The following CC2D2B variants were observed in gnomAD, a reference collection of about 807,000 sequenced individuals.
CC2D2B encodes coiled-coil and C2 domain containing 2B.
A neutral mutation model predicts 161.2 loss-of-function variants in CC2D2B; 128 were observed. The ratio of observed to expected loss-of-function variants is 0.79; its 90% CI spans 0.69 to 0.92. CC2D2B has a LOEUF of 0.92. Ranked by LOEUF, CC2D2B falls within the 40% of genes least tolerant of loss-of-function variation. The pLI, the probability that CC2D2B is intolerant of heterozygous loss-of-function variation, is 0.00. For missense variants in CC2D2B, 1,173 were observed against 1,375.1 expected (o/e 0.85, Z 2.32); for synonymous variants, 391 against 449.8 (o/e 0.87, Z 1.65).
intron 1 of CC2D2B, among the ~76,000 whole-genome samples, chr10:95,908,492 G>C (rs1397528303): frequency 6.6e-6 from 1 of 152,182 alleles, no homozygotes; most frequent in Non-Finnish European, 1.5e-5. Context: ...CGTGGAGTTT[G>C]AATCAGCCTT....
chr10:95,988,666 G>A (rs1474170037), intron 20 of CC2D2B, among the ~76,000 whole-genome samples: 1 of 152,146 alleles, frequency 6.6e-6, no homozygotes, highest in Admixed American at 6.5e-5. Flanking sequence ...ATATTTACTG[G>A]TGCCTCATGA....
At chr10:96,004,639 A>T (rs1000754348) in intron 25 of CC2D2B, among the ~76,000 whole-genome samples, 6 of 152,220 alleles carry the variant, frequency 3.9e-5, no homozygotes, top group Non-Finnish European at 8.8e-5. Flanking sequence ...TCCTAAGGCT[A>T]AAATTCAGTT....
At chr10:95,994,137 G>C (rs190429412) in intron 22 of CC2D2B, among the ~76,000 whole-genome samples, 1 of 150,510 alleles carries the variant, frequency 6.6e-6, no homozygotes, top group African/African-American at 2.4e-5. Flanking sequence ...AAGATGCAGA[G>C]ACCGGTGGTG....
At chr10:95,994,629 T>C (rs1170929586) in intron 22 of CC2D2B, among the ~76,000 whole-genome samples, 1 of 152,186 alleles carries the variant, frequency 6.6e-6, no homozygotes, top group Non-Finnish European at 1.5e-5. Context: ...GACACTGGCG[T>C]TACCGCTTGA....
intron 34 of CC2D2B, among the ~76,000 whole-genome samples, chr10:96,031,086 AT>A (rs1590961504): frequency 1.3e-5 from 2 of 152,114 alleles, no homozygotes; most frequent in South Asian, 2.1e-4. Context: ...AATGCTATCT[AT>A]TTTTTTTCTT....
At chr10:95,973,121 G>C (rs1198772750) in intron 16 of CC2D2B, among the ~76,000 whole-genome samples, 2 of 151,420 alleles carry the variant, frequency 1.3e-5, no homozygotes, top group Admixed American at 1.3e-4. Context: ...AAGTAAGGAA[G>C]TATGAACAAG....
chr10:96,032,246 T>G lies in CC2D2B; in HGVS notation c.*238T>G, dbSNP rs2080092387. The G allele has an allele frequency of 2.4e-6, 1 of 421,140 alleles. No homozygotes were observed. The highest frequency in any genetic ancestry group is 2.0e-5 in the African/African-American group (1 of 50,966). The allele number at this position is 421,140 out of a possible 1,614,324, so 26.1% of individuals were successfully genotyped here. On this transcript the variant is annotated 3_prime_UTR_variant, in exon 35 of 35. Transcript: ENST00000646931. ...CTCCAGGAAGGACCTTTGGATAGTC[T>G]GGCTTTCTTGGGTCACTGTCTGCAG...
chr10:96,005,106 T>C (rs936409092), intron 25 of CC2D2B, among the ~76,000 whole-genome samples: 12 of 152,222 alleles, frequency 7.9e-5, no homozygotes, highest in Non-Finnish European at 1.3e-4. Flanking sequence ...AATTTGGTGA[T>C]AGCTTTTCTC....
intron 10 of CC2D2B, 54 bp from the exon 11 acceptor site, chr10:95,955,340 C>G (rs2076536280): frequency 2.5e-6 from 1 of 396,706 alleles, no homozygotes. Context: ...TGAACTGGAT[C>G]AATGGTAACA....
At chr10:95,941,088 G>C (rs971100755) in intron 9 of CC2D2B, among the ~76,000 whole-genome samples, 2 of 152,140 alleles carry the variant, frequency 1.3e-5, no homozygotes, top group African/African-American at 4.8e-5. Flanking sequence ...CTACACAATG[G>C]GGAAAGGATA....
chr10:95,988,408 G>C lies in CC2D2B; in HGVS notation c.2379+66G>C, dbSNP rs181167160. On this transcript the variant is annotated intron_variant, in intron 20 of 34. Coordinates refer to ENST00000646931, the MANE Select transcript of CC2D2B (RefSeq NM_001349008.3). The stretch of plus-strand genomic sequence containing the variant: ...GTGAAAACTGGTCTGCTAGATCCAT[G>C]GTATTATAGTCCTTCCAGAGAGTCA... 12 of 648,778 alleles carry C rather than the reference G, an allele frequency of 1.8e-5. No homozygotes were observed. The Admixed American group carries it at 2.6e-4, about 14-fold the overall frequency. 40.2% of individuals were successfully genotyped at this position (648,778 alleles called of 1,614,324 possible). A position where few individuals can be genotyped will look rare whatever the true frequency, so the allele number is the denominator to read the frequency against.
At chr10:96,000,863 G>C (rs973868009) in intron 24 of CC2D2B, 1 of 152,048 alleles carries the variant, frequency 6.6e-6, no homozygotes, top group Non-Finnish European at 1.5e-5. Flanking sequence ...TTAATAAATA[G>C]TGGTCTTCCT....
intron 9 of CC2D2B, among the ~76,000 whole-genome samples, chr10:95,941,067 G>A (rs2076005758): frequency 1.3e-5 from 2 of 151,950 alleles, no homozygotes; most frequent in Non-Finnish European, 2.9e-5. Flanking sequence ...ATCTTCAAGA[G>A]GGTGCCAAGA....
chr10:95,988,440 C>T (rs187038944), intron 20 of CC2D2B, 98 bp downstream of exon 20: 109 of 454,158 alleles, frequency 2.4e-4, no homozygotes, highest in African/African-American at 1.5e-3. Flanking sequence ...GTCAGATGGA[C>T]GAATCCACTC....
chr10:96,033,728 A>AT lies in CC2D2B; in HGVS notation c.*1726dup, dbSNP rs1465383673. Among the ~76,000 whole-genome samples the AT allele has an allele frequency of 1.3e-5, 2 of 152,046 alleles. No individual in the cohort carries two copies. Among genetic ancestry groups the AT allele is most frequent in the East Asian group, 3.8e-4 (2 of 5,196 alleles). ...ACATGAGTGTTACTTTTTCAATTAA[A>AT]TTTTTTCCTGAAAATCATGAAATTA... On this transcript the variant is annotated 3_prime_UTR_variant, in exon 35 of 35. Transcript: ENST00000646931.
intron 34 of CC2D2B, among the ~76,000 whole-genome samples, chr10:96,028,639 A>G (rs751423850): frequency 6.6e-6 from 1 of 152,202 alleles, no homozygotes; most frequent in Non-Finnish European, 1.5e-5. Context: ...TACCCAAAAG[A>G]AAGGACATCA....
intron 24 of CC2D2B, among the ~76,000 whole-genome samples, chr10:95,997,017 C>G (rs1450583825): frequency 1.3e-5 from 2 of 152,246 alleles, no homozygotes; most frequent in Non-Finnish European, 2.9e-5. Context: ...TGTGAAGACA[C>G]AGCAAGAAGG....
rs1238201129 is a variant in CC2D2B at position 95,955,346 on chromosome 10, T to G, written c.1012-48T>G. ...ACCTACAGGTGAACTGGATCAATGG[T>G]AACAGGCAGATAAAATATACCGAAG... On this transcript the variant is annotated intron_variant, in intron 10 of 34. Coordinates refer to ENST00000646931, the MANE Select transcript of CC2D2B (RefSeq NM_001349008.3). 1.0e-5 allele frequency: 4 copies of G among 396,946 alleles called. No individual in the cohort carries two copies. In the Admixed American group the frequency reaches 1.8e-4, roughly 18 times the overall value. 24.6% of individuals were successfully genotyped at this position (396,946 alleles called of 1,614,324 possible).
At chr10:95,945,041 C>CT (rs1247319803) in intron 9 of CC2D2B, among the ~76,000 whole-genome samples, 1 of 152,198 alleles carries the variant, frequency 6.6e-6, no homozygotes, top group Non-Finnish European at 1.5e-5. Flanking sequence ...CACCATCTGC[C>CT]ATGTGAGGAC....
Sources: gnomAD v4.1 joint callset for allele counts (sites outside exome capture counted in the v4.1 genomes callset) on GRCh38, gnomAD v4.1.1 for gene constraint, MANE v1.5 for transcripts, NCBI Gene and HGNC (gene_info 2026-07-23, HGNC 2026-07-21) for gene names.